The following NSL1 variants were observed in gnomAD, a reference collection of about 807,000 sequenced individuals.
The protein encoded by NSL1 is kinetochore-associated protein NSL1 homolog.
In NSL1, 11 loss-of-function variants were observed where a neutral mutation model predicts 25.4. That is an observed-to-expected ratio of 0.43 (90% CI 0.27 to 0.72). NSL1 has a LOEUF of 0.72. Among genes scored for constraint, NSL1 ranks in the 30% least tolerant of loss-of-function variants. NSL1 has a pLI of 0.19. For missense variants in NSL1, 330 were observed against 342.7 expected (o/e 0.96, Z 0.29); for synonymous variants, 118 against 120.6 (o/e 0.98, Z 0.14).
Position 212,731,794 on chromosome 1 carries a change from T to C in NSL1, c.*6614A>G, listed in dbSNP as rs1658025689. ...AAAGCTGGTGTTCAGACAGTCACACTGTTACAAACATATGGATTGTACTGG... is the reference window on the plus strand; with the variant it reads ...AAAGCTGGTGTTCAGACAGTCACACCGTTACAAACATATGGATTGTACTGG... On this transcript the variant is annotated 3_prime_UTR_variant, in exon 6 of 6. Transcript: ENST00000366977. 8 of 985,336 alleles carry C rather than the reference T, an allele frequency of 8.1e-6. No homozygotes were observed. In the South Asian group the frequency reaches 1.4e-4, roughly 17 times the overall value. The allele number at this position is 985,336 out of a possible 1,614,324, so 61.0% of individuals were successfully genotyped here. A position where few individuals can be genotyped will look rare whatever the true frequency, so the allele number is the denominator to read the frequency against.
chr1:212,750,080 C>T (rs1357922709), intron 4 of NSL1, among the ~76,000 whole-genome samples: 1 of 151,512 alleles, frequency 6.6e-6, no homozygotes, highest in Non-Finnish European at 1.5e-5. Context: ...TCCAGAACTC[C>T]CTTGGGAACA....
At chr1:212,764,822 G>A (rs1015304404) in intron 4 of NSL1, among the ~76,000 whole-genome samples, 1 of 129,178 alleles carries the variant, frequency 7.7e-6, no homozygotes, top group African/African-American at 2.9e-5. Flanking sequence ...CTCCAGCCTG[G>A]GTGACACAGC....
rs542455406 is a variant in NSL1 at position 212,730,706 on chromosome 1, T to C, written c.*7702A>G. On this transcript the variant is annotated 3_prime_UTR_variant, in exon 6 of 6. Coordinates refer to ENST00000366977, the MANE Select transcript of NSL1 (RefSeq NM_015471.4). ...ATGTCAATGCCATCCTCTGCTCTTA[T>C]GTCCTGCAGGGATATGGGAATTAGA... 2.3e-4 allele frequency: 226 copies of C among 985,420 alleles called. No individual in the cohort carries two copies. In the Middle Eastern group the frequency reaches 5.7e-3, roughly 25 times the overall value. 61.0% of individuals were successfully genotyped at this position (985,420 alleles called of 1,614,324 possible).
Position 212,730,836 on chromosome 1 carries a change from A to T in NSL1, c.*7572T>A. On this transcript the variant is annotated 3_prime_UTR_variant, in exon 6 of 6. Coordinates refer to ENST00000366977, the MANE Select transcript of NSL1 (RefSeq NM_015471.4). ...TCAGTTTTTTACCTCTCCCCTCCCC[A>T]CACTCACCTTCTAAGTTCAATTAAT... is the stretch of plus-strand genomic sequence containing the variant. 4.1e-6 allele frequency: 4 copies of T among 985,326 alleles called. No homozygotes were observed. The highest frequency in any genetic ancestry group is 4.8e-6 in the Non-Finnish European group (4 of 829,908). 61.0% of individuals were successfully genotyped at this position (985,326 alleles called of 1,614,324 possible).
intron 1 of NSL1, among the ~76,000 whole-genome samples, chr1:212,790,323 G>C (rs1181415207): frequency 1.3e-5 from 2 of 152,094 alleles, no homozygotes; most frequent in Non-Finnish European, 2.9e-5. Flanking sequence ...CACCGCGCCC[G>C]ACCCCTTTTG....
At chr1:212,779,496 C>T (rs562908261) in intron 4 of NSL1, among the ~76,000 whole-genome samples, 7 of 112,264 alleles carry the variant, frequency 6.2e-5, no homozygotes, top group African/African-American at 1.8e-4. Flanking sequence ...CCGCCCCGTC[C>T]GGGAGGGAGG....
intron 2 of NSL1, among the ~76,000 whole-genome samples, chr1:212,786,954 G>A (rs1471197169): frequency 6.6e-6 from 1 of 151,268 alleles, no homozygotes; most frequent in Non-Finnish European, 1.5e-5. Flanking sequence ...ATTGAGGCTA[G>A]GAGTTTGAGA....
At chr1:212,774,758 AAC>A (rs1397787373) in intron 4 of NSL1, among the ~76,000 whole-genome samples, 1 of 152,220 alleles carries the variant, frequency 6.6e-6, no homozygotes, top group African/African-American at 2.4e-5. Context: ...CACTTTAGAA[AAC>A]AGTCTGGCAG....
chr1:212,784,487 T>A lies in NSL1; in HGVS notation c.320A>T (p.Asp107Val). Reference sequence around the variant, plus strand: ...AAACTGATCTTCAAGTACTTTGATGTCAGAATCTATTTGAGAAAAAAAAAT... The same window carrying A: ...AAACTGATCTTCAAGTACTTTGATGACAGAATCTATTTGAGAAAAAAAAAT... ...EASDNCFMDS[D>V]IKVLEDQFDE... The change falls in exon 3 of 6, where the codon GAC (aspartate) becomes GTC (valine). Residue 107 changes from aspartate (D) to valine (V), a missense_variant. Transcript: ENST00000366977. 3.3e-6 allele frequency: 5 copies of A among 1,535,580 alleles called. No homozygotes were observed. The highest frequency in any genetic ancestry group is 1.8e-4 in the Middle Eastern group (1 of 5,612).
In NSL1 at chr1:212,729,868, G is replaced by A; in HGVS notation, c.*8540C>T. On this transcript the variant is annotated 3_prime_UTR_variant, in exon 6 of 6. Transcript: ENST00000366977. Reference sequence around the variant, plus strand: ...GATGTGTGGACGAAGGGGTTGCTGGGGTGACCCAGGCAGCAAGGACCCTGA... The same window carrying A: ...GATGTGTGGACGAAGGGGTTGCTGGAGTGACCCAGGCAGCAAGGACCCTGA... 3 of 985,318 alleles carry A rather than the reference G, an allele frequency of 3.0e-6. No homozygotes were observed. The highest frequency in any genetic ancestry group is 3.6e-6 in the Non-Finnish European group (3 of 829,900). The allele number at this position is 985,318 out of a possible 1,614,324, so 61.0% of individuals were successfully genotyped here.
intron 4 of NSL1, among the ~76,000 whole-genome samples, chr1:212,750,152 T>C (rs1476958006): frequency 6.6e-6 from 1 of 151,518 alleles, no homozygotes; most frequent in Non-Finnish European, 1.5e-5. Flanking sequence ...ACGTGTACAG[T>C]AGGTGTTCAG....
At chr1:212,774,714 C>T (rs1455964317) in intron 4 of NSL1, among the ~76,000 whole-genome samples, 1 of 152,186 alleles carries the variant, frequency 6.6e-6, no homozygotes, top group Non-Finnish European at 1.5e-5. Context: ...ACTGGAACCC[C>T]TACACACTGA....
chr1:212,739,285 T>G (rs981673609), intron 5 of NSL1, among the ~76,000 whole-genome samples: 1 of 152,180 alleles, frequency 6.6e-6, no homozygotes, highest in African/African-American at 2.4e-5. Flanking sequence ...GGTGAACTGC[T>G]AACACCCAGA....
Position 212,736,267 on chromosome 1 carries a change from G to T in NSL1, c.*2141C>A. The T allele has an allele frequency of 1.2e-6, 1 of 830,344 alleles. No homozygotes were observed. Among genetic ancestry groups the T allele is most frequent in the Non-Finnish European group, 1.5e-6 (1 of 688,756 alleles). 51.4% of individuals were successfully genotyped at this position (830,344 alleles called of 1,614,324 possible). On this transcript the variant is annotated 3_prime_UTR_variant, in exon 6 of 6. Coordinates refer to ENST00000366977, the MANE Select transcript of NSL1 (RefSeq NM_015471.4). ...TGCCCAGGCTGGGCTCAAGTAATCT[G>T]TCCACTTCAGCCTCCCAAAGTGCTG...
At chr1:212,742,336 A>G (rs1467380005) in intron 4 of NSL1, among the ~76,000 whole-genome samples, 3 of 152,226 alleles carry the variant, frequency 2.0e-5, no homozygotes, top group Non-Finnish European at 2.9e-5. Context: ...TGGAACTTGA[A>G]TAAAACTTAA....
intron 4 of NSL1, among the ~76,000 whole-genome samples, chr1:212,761,247 C>T (rs1293478963): frequency 6.6e-6 from 1 of 152,126 alleles, no homozygotes; most frequent in African/African-American, 2.4e-5. Context: ...GCAAAAGATT[C>T]CAGTGAAAAA....
Position 212,791,751 on chromosome 1 carries a change from G to T in NSL1, c.13C>A (p.Pro5Thr). 6.2e-7 allele frequency: 1 copy of T among 1,606,352 alleles called. No individual in the cohort carries two copies. Among genetic ancestry groups the T allele is most frequent in the Non-Finnish European group, 8.5e-7 (1 of 1,175,434 alleles). ...GGAGGGTCAAGGACCACCAACTCAG[G>T]AGACCCCGCCATTTTTCGTCGGAAC... MAGS[P>T]ELVVLDPPWD... is the part of the protein sequence containing the mutation. Residue 5 changes from proline (P) to threonine (T), a missense_variant, in exon 1 of 6, where the codon CCT (proline) becomes ACT (threonine). By Grantham distance (38) the Pro-to-Thr change is conservative. Transcript: ENST00000366977.
chr1:212,791,107 A>G (rs1482334367), intron 1 of NSL1, among the ~76,000 whole-genome samples: 1 of 151,836 alleles, frequency 6.6e-6, no homozygotes, highest in East Asian at 1.9e-4. Context: ...GCTTAAATGT[A>G]ACTAGTTCGA....
intron 4 of NSL1, among the ~76,000 whole-genome samples, chr1:212,764,656 GACA>G (rs1659715780): frequency 6.6e-6 from 1 of 151,696 alleles, no homozygotes; most frequent in African/African-American, 2.4e-5. Flanking sequence ...GACCAGCCTG[GACA>G]ACATGGTGAA....
Sources: allele counts gnomAD v4.1 joint callset (sites outside exome capture counted in the v4.1 genomes callset), GRCh38; gene constraint gnomAD v4.1.1; transcripts MANE v1.5; gene names NCBI Gene and HGNC (gene_info 2026-07-23, HGNC 2026-07-21).